RPN1: variants seen among roughly 807,000 people sequenced by gnomAD.
RPN1 encodes dolichyl-diphosphooligosaccharide--protein glycosyltransferase subunit 1.
Under a neutral mutation model 55.5 loss-of-function variants are expected in RPN1, and 12 were observed. That is an observed-to-expected ratio of 0.22 (90% CI 0.14 to 0.35). The LOEUF is 0.35. Ranked by LOEUF, RPN1 falls within the 10% of genes least tolerant of loss-of-function variation. RPN1 has a pLI of 1.00. For synonymous variants in RPN1, 317 were observed against 305.9 expected (o/e 1.04, Z -0.38); for missense variants, 679 against 761.3 (o/e 0.89, Z 1.27).
intron 2 of RPN1, among the ~76,000 whole-genome samples, chr3:128,642,778 T>C (rs1264018638): frequency 6.6e-6 from 1 of 151,538 alleles, no homozygotes; most frequent in Non-Finnish European, 1.5e-5. Flanking sequence ...ACCCAACACT[T>C]TGGGAGGCCG....
intron 6 of RPN1, 113 bp downstream of exon 6, chr3:128,626,620 T>A: frequency 2.3e-6 from 2 of 872,778 alleles, no homozygotes. Context: ...ATAAAGTAAA[T>A]CTAGAGAAAA....
rs2069694563 is a variant in RPN1, at chr3:128,638,087, G to C, written c.345C>G (p.Val115=). Residue 115 remains valine (V), a synonymous_variant, in exon 3 of 10, where the codon GTC becomes GTG. Coordinates refer to ENST00000296255, the MANE Select transcript of RPN1 (RefSeq NM_002950.4). ...CAGGATCAAGAGCAACTGGGAGCTT[G>C]ACTGTGAAGAATCTCCCACTAAAGG... The part of the protein sequence containing the change: ...IKGKSGRFFT[V]KLPVALDPGA... The C allele has an allele frequency of 6.2e-7, 1 of 1,612,692 alleles. No individual in the cohort carries two copies. The highest frequency in any genetic ancestry group is 8.5e-7 in the Non-Finnish European group (1 of 1,178,744).
At chr3:128,647,973 T>C (rs1197338114) in intron 1 of RPN1, among the ~76,000 whole-genome samples, 1 of 152,100 alleles carries the variant, frequency 6.6e-6, no homozygotes, top group Non-Finnish European at 1.5e-5. Context: ...AATAACCCAC[T>C]GAAGGCCAGG....
At position 128,647,667 on chromosome 3, in the gene RPN1, G is replaced by A. The variant is rs192432173; in HGVS notation, c.262-2684C>T. 3.3e-5 allele frequency among the ~76,000 whole-genome samples: 5 copies of A among 150,888 alleles called. No individual in the cohort carries two copies. The East Asian group carries it at 9.7e-4, about 29-fold the overall frequency. ...GACTGGGCCACTGTGCTCTACCCTG[G>A]GGAACAGATTGAGAACTTGCCTCAA... On this transcript the variant is annotated intron_variant, in intron 1 of 9. Coordinates refer to ENST00000296255, the MANE Select transcript of RPN1 (RefSeq NM_002950.4).
intron 9 of RPN1, among the ~76,000 whole-genome samples, chr3:128,621,353 A>G (rs2069556980): frequency 2.0e-5 from 3 of 152,176 alleles, no homozygotes; most frequent in African/African-American, 7.2e-5. Flanking sequence ...TCTACAAAAA[A>G]TTAGCCAGGC....
At chr3:128,638,616 A>G (rs113386364) in intron 2 of RPN1, among the ~76,000 whole-genome samples, 1 of 152,248 alleles carries the variant, frequency 6.6e-6, no homozygotes, top group African/African-American at 2.4e-5. Flanking sequence ...AGTAGCTGGG[A>G]CTACTGGCAC....
At chr3:128,646,524 A>T (rs1011331562) in intron 1 of RPN1, among the ~76,000 whole-genome samples, 1 of 151,942 alleles carries the variant, frequency 6.6e-6, no homozygotes, top group Non-Finnish European at 1.5e-5. Flanking sequence ...CATCTCTACT[A>T]AAAAATACAA....
chr3:128,625,511 C>G, intron 8 of RPN1, 23 bp downstream of exon 8: 1 of 1,613,966 alleles, frequency 6.2e-7, no homozygotes, highest in Non-Finnish European at 8.5e-7. Context: ...AAATGACAAG[C>G]AGGAAGAAGG....
chr3:128,644,758 A>G, intron 2 of RPN1, 161 bp downstream of exon 2: 1 of 648,642 alleles, frequency 1.5e-6, no homozygotes, highest in Non-Finnish European at 2.8e-6. Context: ...CAGGAGTTCA[A>G]GACCAGCCTG....
chr3:128,626,304 G>A (rs1291584324), intron 6 of RPN1, among the ~76,000 whole-genome samples: 1 of 152,224 alleles, frequency 6.6e-6, no homozygotes, highest in African/African-American at 2.4e-5. Flanking sequence ...TCACAAAGTT[G>A]ACACAGCTCT....
rs2069592740 is a variant in RPN1, at chr3:128,625,626, T to C, written c.1303A>G (p.Met435Val). 6.2e-7 allele frequency: 1 copy of C among 1,613,990 alleles called. No homozygotes were observed. Residue 435 changes from methionine (M) to valine (V), a missense_variant, in exon 8 of 10, where the codon ATG becomes GTG. By Grantham distance (21) the Met-to-Val change is conservative. This residue lies in a region of RPN1 where 306 missense variants were observed against 360.0 expected (regional missense o/e 0.85). Transcript: ENST00000296255. ...VVHYTFNKVL[M>V]LQEPLLVVAA... ...ACCACCAGCAGGGGCTCCTGCAGCATGAGCACCTTGTTGAACGTGTAGTGG... is the reference window on the plus strand; with the variant it reads ...ACCACCAGCAGGGGCTCCTGCAGCACGAGCACCTTGTTGAACGTGTAGTGG...
At chr3:128,621,136 C>A (rs2069555466) in intron 9 of RPN1, among the ~76,000 whole-genome samples, 1 of 152,204 alleles carries the variant, frequency 6.6e-6, no homozygotes, top group Non-Finnish European at 1.5e-5. Context: ...CAGAAAACAG[C>A]ACTAAGGACA....
intron 7 of RPN1, 32 bp from the exon 8 acceptor site, chr3:128,625,685 G>A: frequency 6.2e-7 from 1 of 1,613,264 alleles, no homozygotes; most frequent in Non-Finnish European, 8.5e-7. Context: ...GCTTCATCGG[G>A]GCTGTAGGGA....
In RPN1 at chr3:128,637,812, G is replaced by T; in HGVS notation, c.620C>A (p.Pro207His). 6.2e-7 allele frequency: 1 copy of T among 1,612,006 alleles called. No individual in the cohort carries two copies. The highest frequency in any genetic ancestry group is 8.5e-7 in the Non-Finnish European group (1 of 1,179,424). Reference sequence around the variant, plus strand: ...ACCTGAGCTTACCTGACTATAGGCAGGCACATCTCTGAAAGGCCCATAATC... The same window carrying T: ...ACCTGAGCTTACCTGACTATAGGCATGCACATCTCTGAAAGGCCCATAATC... ...LLDYGPFRDV[P>H]AYSQDTFKVH... is the part of the protein sequence containing the mutation. Residue 207 changes from proline to histidine, a missense_variant, in exon 3 of 10, where the codon CCT (proline) becomes CAT (histidine). Coordinates refer to ENST00000296255, the MANE Select transcript of RPN1 (RefSeq NM_002950.4).
intron 1 of RPN1, among the ~76,000 whole-genome samples, chr3:128,647,601 G>C (rs957526905): frequency 1.3e-5 from 2 of 151,784 alleles, no homozygotes; most frequent in African/African-American, 4.8e-5. Context: ...CTAGGTGGGA[G>C]GATAGCTTGA....
chr3:128,631,089 G>A (rs2069637842), intron 4 of RPN1, among the ~76,000 whole-genome samples: 1 of 144,536 alleles, frequency 6.9e-6, no homozygotes, highest in Non-Finnish European at 1.5e-5. Context: ...CTCCAGCCTG[G>A]GCAATAGAGC....
chr3:128,628,385 A>G (rs556642211), intron 5 of RPN1, among the ~76,000 whole-genome samples: 1 of 151,676 alleles, frequency 6.6e-6, no homozygotes, highest in South Asian at 2.1e-4. Context: ...AGGCTAATTA[A>G]GATGGATTAG....
At chr3:128,627,487 T>C (rs895480747) in intron 5 of RPN1, among the ~76,000 whole-genome samples, 1 of 152,136 alleles carries the variant, frequency 6.6e-6, no homozygotes, top group South Asian at 2.1e-4. Context: ...ACATTAAAAA[T>C]GATCAACAGA....
chr3:128,622,417 AAGG>A lies in RPN1; in HGVS notation c.1396-11_1396-9del. On this transcript the variant is annotated splice_polypyrimidine_tract_variant and intron_variant, in intron 8 of 9. Coordinates refer to ENST00000296255, the MANE Select transcript of RPN1 (RefSeq NM_002950.4). ...GGCTTCTGCGGCTGGATCCTGAAGG[AAGG>A]AGAGGCACCATGTGTGACAACATCC... 1 of 1,613,956 alleles carries A rather than the reference AAGG, an allele frequency of 6.2e-7. No homozygotes were observed. Among genetic ancestry groups the A allele is most frequent in the South Asian group, 1.1e-5 (1 of 91,076 alleles).
Sources: gnomAD v4.1 joint callset for allele counts (sites outside exome capture counted in the v4.1 genomes callset) on GRCh38, gnomAD v4.1.1 for gene constraint, gnomAD v4.1.1 regional missense constraint, MANE v1.5 for transcripts, NCBI Gene and HGNC (gene_info 2026-07-23, HGNC 2026-07-21) for gene names.